Variants in TRPM3 observed in about 807,000 individuals in gnomAD.
The protein encoded by TRPM3 is long transient receptor potential channel 3.
TRPM3 carries 77 observed loss-of-function variants against 181.2 expected under a neutral mutation model. The ratio of observed to expected loss-of-function variants is 0.42; its 90% CI spans 0.35 to 0.51. TRPM3 has a LOEUF of 0.51. Among genes scored for constraint, TRPM3 ranks in the 20% least tolerant of loss-of-function variants. The probability of loss-of-function intolerance (pLI) is 0.01; values close to 1 mark genes in which losing one functional copy is unlikely to be tolerated. For missense variants in TRPM3, 1,759 were observed against 2,196.7 expected (o/e 0.80, Z 3.98); for synonymous variants, 745 against 796.4 (o/e 0.94, Z 1.09).
chr9:71,351,291 T>C lies in TRPM3; in HGVS notation c.183+95362A>G, dbSNP rs114839855. ...TTAGAAAATCAGCCTTAGTTTAGAC[T>C]GTAAGCTTAGGTACACAGCGTTAAG... On this transcript the variant is annotated intron_variant, in intron 1 of 24. Transcript: ENST00000357533. Among the ~76,000 whole-genome samples, 459 of 152,324 alleles carry C rather than the reference T, an allele frequency of 3.0e-3. 2 individuals are homozygous for C. Among genetic ancestry groups the C allele is most frequent in the African/African-American group, 0.01 (435 of 41,566 alleles).
intron 1 of TRPM3, among the ~76,000 whole-genome samples, chr9:71,275,304 C>T (rs1257385985): frequency 1.3e-5 from 2 of 152,090 alleles, no homozygotes; most frequent in Non-Finnish European, 2.9e-5. Context: ...TTTTTTTCTA[C>T]CAGTTACAAT....
chr9:70,947,682 C>G (rs2096950283), intron 1 of TRPM3, among the ~76,000 whole-genome samples: 1 of 152,096 alleles, frequency 6.6e-6, no homozygotes, highest in Non-Finnish European at 1.5e-5. Flanking sequence ...AGCTGCCCTA[C>G]TTCTGGAGGC....
chr9:70,807,323 A>T (rs1426183586), intron 6 of TRPM3, among the ~76,000 whole-genome samples: 1 of 152,246 alleles, frequency 6.6e-6, no homozygotes, highest in Non-Finnish European at 1.5e-5. Flanking sequence ...TAAATGATTT[A>T]CAACAATCAT....
chr9:71,292,888 T>C (rs892339187), intron 1 of TRPM3, among the ~76,000 whole-genome samples: 2 of 151,948 alleles, frequency 1.3e-5, no homozygotes, highest in Non-Finnish European at 2.9e-5. Flanking sequence ...AATGATTATA[T>C]ATTGTCATTC....
intron 1 of TRPM3, among the ~76,000 whole-genome samples, chr9:71,018,040 G>A (rs796595343): frequency 7.2e-5 from 11 of 151,828 alleles, no homozygotes; most frequent in African/African-American, 2.4e-4. Flanking sequence ...ATGATCCCCC[G>A]CTGTTTAAGA....
intron 22 of TRPM3, among the ~76,000 whole-genome samples, chr9:70,582,275 G>A (rs1390701902): frequency 2.0e-5 from 3 of 151,628 alleles, no homozygotes; most frequent in South Asian, 2.1e-4. Context: ...AACAAACATA[G>A]CTTCTTTTCA....
At chr9:70,902,110 G>A (rs978384315) in intron 1 of TRPM3, among the ~76,000 whole-genome samples, 11 of 152,214 alleles carry the variant, frequency 7.2e-5, no homozygotes, top group Admixed American at 1.3e-4. Flanking sequence ...AAATTTTTAT[G>A]TACTGTCATT....
intron 1 of TRPM3, among the ~76,000 whole-genome samples, chr9:71,224,099 G>A (rs746842776): frequency 7.2e-5 from 11 of 152,210 alleles, no homozygotes; most frequent in Non-Finnish European, 1.0e-4. Flanking sequence ...CAGTGCTGTG[G>A]TGGCTTCAGG....
intron 10 of TRPM3, 33 bp from the exon 11 acceptor site, chr9:70,639,227 A>G (rs1476254272): frequency 1.6e-5 from 26 of 1,611,054 alleles, no homozygotes; most frequent in Non-Finnish European, 2.0e-5. Flanking sequence ...AGTCTGCCCC[A>G]GGGTCTATCT....
chr9:70,881,850 T>C (rs989885778), intron 1 of TRPM3, among the ~76,000 whole-genome samples: 2 of 152,230 alleles, frequency 1.3e-5, no homozygotes, highest in African/African-American at 4.8e-5. Context: ...AAATTATCTC[T>C]TTATTCCCTT....
chr9:70,992,716 G>A (rs770935060), intron 1 of TRPM3, among the ~76,000 whole-genome samples: 3 of 152,138 alleles, frequency 2.0e-5, no homozygotes, highest in African/African-American at 4.8e-5. Context: ...TGTTGGCAGT[G>A]GATACCATAT....
intron 1 of TRPM3, among the ~76,000 whole-genome samples, chr9:71,261,785 G>T (rs555082711): frequency 6.6e-6 from 1 of 152,274 alleles, no homozygotes; most frequent in African/African-American, 2.4e-5. Context: ...GCTGGAGTTT[G>T]TTGTGGGTCC....
chr9:71,219,348 T>C (rs1235593015), intron 1 of TRPM3, among the ~76,000 whole-genome samples: 2 of 152,234 alleles, frequency 1.3e-5, no homozygotes, highest in East Asian at 3.8e-4. Context: ...GTACACATAT[T>C]CCTGAACCTC....
intron 1 of TRPM3, among the ~76,000 whole-genome samples, chr9:71,145,831 A>G (rs2075372980): frequency 6.6e-6 from 1 of 152,174 alleles, no homozygotes; most frequent in African/African-American, 2.4e-5. Context: ...GATTAAAATC[A>G]AGAAGGAAAT....
At chr9:70,772,699 G>C (rs1428737511) in intron 7 of TRPM3, among the ~76,000 whole-genome samples, 1 of 152,166 alleles carries the variant, frequency 6.6e-6, no homozygotes, top group Non-Finnish European at 1.5e-5. Flanking sequence ...CTTAGGCAGG[G>C]ACAAGTGGGA....
rs146960357 is a variant in TRPM3 at position 70,531,829 on chromosome 9, G to A, written c.*4124C>T. ...CCACAGCTCGCAGGACTCATTAGAG[G>A]ATATACATCAGCTTACACACATATT... On this transcript the variant is annotated 3_prime_UTR_variant, in exon 26 of 26. Coordinates refer to ENST00000677713, the MANE Select transcript of TRPM3 (RefSeq NM_001366145.2). 14 of 152,208 alleles carry A rather than the reference G, an allele frequency of 9.2e-5. No homozygotes were observed. The highest frequency in any genetic ancestry group is 2.1e-4 in the South Asian group (1 of 4,820). 9.4% of individuals were successfully genotyped at this position (152,208 alleles called of 1,614,324 possible).
intron 1 of TRPM3, among the ~76,000 whole-genome samples, chr9:71,011,786 T>G (rs537539199): frequency 4.0e-4 from 54 of 134,628 alleles, no homozygotes; most frequent in African/African-American, 1.2e-3. Flanking sequence ...TTTTTTGTTT[T>G]TTTGTTTTTT....
chr9:71,124,309 A>G (rs939777704), upstream of TRPM3, among the ~76,000 whole-genome samples: 1 of 151,630 alleles, frequency 6.6e-6, no homozygotes, highest in Non-Finnish European at 1.5e-5. Context: ...CTAATGAGAA[A>G]AAAAAAAAAA....
At chr9:70,942,298 C>T (rs1156729604) in intron 1 of TRPM3, among the ~76,000 whole-genome samples, 2 of 152,130 alleles carry the variant, frequency 1.3e-5, no homozygotes, top group East Asian at 3.9e-4. Context: ...CAAACACACA[C>T]CGTTGAATTA....
Sources: allele counts gnomAD v4.1 joint callset (sites outside exome capture counted in the v4.1 genomes callset), GRCh38; gene constraint gnomAD v4.1.1; transcripts MANE v1.5; gene names NCBI Gene and HGNC (gene_info 2026-07-23, HGNC 2026-07-21).